The following GPHN variants were observed in gnomAD, a reference collection of about 807,000 sequenced individuals.
The protein encoded by GPHN is gephyrin.
In GPHN, 17 loss-of-function variants were observed where a neutral mutation model predicts 95.5. That is an observed-to-expected ratio of 0.18 (90% confidence interval 0.12 to 0.27). The LOEUF (loss-of-function observed/expected upper bound fraction) is 0.27. GPHN is among the 10% of genes least tolerant of loss of function. The probability of loss-of-function intolerance (pLI) is 1.00; values close to 1 mark genes in which losing one functional copy is unlikely to be tolerated. For missense variants in GPHN, 660 were observed against 978.1 expected (o/e 0.67, Z 4.34); for synonymous variants, 320 against 322.5 (o/e 0.99, Z 0.08).
intron 1 of GPHN, among the ~76,000 whole-genome samples, chr14:66,622,864 C>A (rs373750585): frequency 6.6e-6 from 1 of 152,178 alleles, no homozygotes; most frequent in African/African-American, 2.4e-5. Flanking sequence ...AAGTTCCAAA[C>A]TTTCCCAGAT....
chr14:67,701,421 A>AT, the GPHN span, among the ~76,000 whole-genome samples: 1 of 132,966 alleles, frequency 7.5e-6, no homozygotes, highest in African/African-American at 2.8e-5. Flanking sequence ...CTTTATTATA[A>AT]TTTCTTTTTT....
At chr14:67,639,758 T>TA in the GPHN span, among the ~76,000 whole-genome samples, 1 of 151,940 alleles carries the variant, frequency 6.6e-6, no homozygotes, top group South Asian at 2.1e-4. Context: ...CTGTCTCTAC[T>TA]AAAAATACAA....
chr14:67,513,029 T>G, the GPHN span, among the ~76,000 whole-genome samples: 1 of 152,190 alleles, frequency 6.6e-6, no homozygotes, highest in African/African-American at 2.4e-5. Flanking sequence ...ACTAACTCAT[T>G]TAATATCTTT....
chr14:66,959,618 T>C (rs1303385530), intron 8 of GPHN, among the ~76,000 whole-genome samples: 4 of 152,146 alleles, frequency 2.6e-5, no homozygotes, highest in African/African-American at 9.6e-5. Flanking sequence ...TCATGGTTTC[T>C]TTTGAAAATC....
chr14:66,931,180 C>T (rs2066770860), intron 8 of GPHN, among the ~76,000 whole-genome samples: 1 of 151,994 alleles, frequency 6.6e-6, no homozygotes, highest in African/African-American at 2.4e-5. Context: ...CCATTCTCTC[C>T]CAGCCTGTAA....
At position 66,580,064 on chromosome 14, in the gene GPHN, G is replaced by A. The variant is rs1365788869; in HGVS notation, c.64+71473G>A. Reference sequence around the variant, plus strand: ...GTATGAAATTATAAATCATTAATAGGAAGAATTTCAAAAAATTGCAAATAT... The same window carrying A: ...GTATGAAATTATAAATCATTAATAGAAAGAATTTCAAAAAATTGCAAATAT... On this transcript the variant is annotated intron_variant, in intron 1 of 22. Transcript: ENST00000478722. Among the ~76,000 whole-genome samples the A allele has an allele frequency of 5.3e-5, 8 of 151,788 alleles. No homozygotes were observed. In the East Asian group the frequency reaches 1.4e-3, roughly 26 times the overall value.
chr14:67,577,295 TG>T, the GPHN span: 1 of 1,553,166 alleles, frequency 6.4e-7, no homozygotes, highest in Non-Finnish European at 8.7e-7. Flanking sequence ...TTCCGTGCTT[TG>T]GGCAGATTCG....
intron 17 of GPHN, among the ~76,000 whole-genome samples, chr14:67,123,004 C>G (rs1429044262): frequency 2.6e-5 from 4 of 152,186 alleles, no homozygotes; most frequent in Non-Finnish European, 5.9e-5. Context: ...AAAAGCAAGT[C>G]TACACTTTCT....
chr14:67,634,098 T>C, the GPHN span, among the ~76,000 whole-genome samples: 1 of 152,074 alleles, frequency 6.6e-6, no homozygotes, highest in East Asian at 1.9e-4. Flanking sequence ...ATACTTTTGT[T>C]GAAGGAAAAA....
At chr14:66,940,254 G>T (rs2067346414) in intron 8 of GPHN, among the ~76,000 whole-genome samples, 1 of 151,724 alleles carries the variant, frequency 6.6e-6, no homozygotes, top group Middle Eastern at 3.4e-3. Context: ...AAGGCGTTTT[G>T]TTGTTGTTTT....
chr14:67,239,102 G>A, the GPHN span, among the ~76,000 whole-genome samples: 1 of 152,158 alleles, frequency 6.6e-6, no homozygotes, highest in Non-Finnish European at 1.5e-5. Flanking sequence ...GTCCTGTATG[G>A]GAATCTAAGC....
the GPHN span, among the ~76,000 whole-genome samples, chr14:67,712,200 G>A: frequency 8.5e-4 from 130 of 152,158 alleles, 1 homozygote; most frequent in African/African-American, 1.4e-3. Context: ...GATTACAGGC[G>A]TGAACCACCA....
At chr14:66,710,619 A>T (rs908298358) in intron 2 of GPHN, among the ~76,000 whole-genome samples, 12 of 152,206 alleles carry the variant, frequency 7.9e-5, no homozygotes, top group African/African-American at 2.7e-4. Flanking sequence ...AACATCTGTT[A>T]AGGGAATAAA....
chr14:67,596,864 G>A, the GPHN span, among the ~76,000 whole-genome samples: 2 of 152,216 alleles, frequency 1.3e-5, no homozygotes, highest in South Asian at 2.1e-4. Flanking sequence ...TGCTATATTC[G>A]GAACTGAGGA....
rs554038119 is a variant in GPHN at position 66,753,577 on chromosome 14, A to C, written c.144-22887A>C. ...TTCACACATCAATTGATGTGAAAAC[A>C]AAATATAATCTACTGATCCAACAGG... On this transcript the variant is annotated intron_variant, in intron 2 of 22. Transcript: ENST00000478722. 7.2e-5 allele frequency among the ~76,000 whole-genome samples: 11 copies of C among 152,202 alleles called. No individual in the cohort carries two copies. The South Asian group carries it at 2.3e-3, about 32-fold the overall frequency.
intron 1 of GPHN, among the ~76,000 whole-genome samples, chr14:66,645,801 C>G (rs1200828870): frequency 6.6e-6 from 1 of 151,196 alleles, no homozygotes; most frequent in Non-Finnish European, 1.5e-5. Context: ...ATTTGTGTCT[C>G]TCATTAGATA....
At chr14:67,388,881 C>G in the GPHN span, among the ~76,000 whole-genome samples, 47,073 of 151,718 alleles carry the variant, frequency 0.31, 11,187 homozygotes, top group African/African-American at 0.64. Context: ...GGTTCATCAC[C>G]TTGGCCAGGC....
chr14:67,225,528 C>T, the GPHN span, among the ~76,000 whole-genome samples: 2,949 of 152,234 alleles, frequency 0.019, 40 homozygotes, highest in Middle Eastern at 0.034. Context: ...ACTACCATAG[C>T]GATTCTTCTC....
At chr14:67,614,760 A>T in the GPHN span, among the ~76,000 whole-genome samples, 2 of 152,080 alleles carry the variant, frequency 1.3e-5, no homozygotes, top group Non-Finnish European at 2.9e-5. Flanking sequence ...TACATAAATT[A>T]TATTAAAACC....
Sources: gnomAD v4.1 joint callset for allele counts (sites outside exome capture counted in the v4.1 genomes callset) on GRCh38, gnomAD v4.1.1 for gene constraint, MANE v1.5 for transcripts, NCBI Gene and HGNC (gene_info 2026-07-23, HGNC 2026-07-21) for gene names.